Variants in CNTNAP2 observed in about 807,000 individuals in gnomAD.
The protein encoded by CNTNAP2 is contactin-associated protein-like 2.
CNTNAP2 carries 98 observed loss-of-function variants against 155.2 expected under a neutral mutation model. That is an observed-to-expected ratio of 0.63 (90% CI 0.54 to 0.75). The LOEUF (loss-of-function observed/expected upper bound fraction) is 0.75, where lower values mean the gene tolerates loss of function less well. Ranked by LOEUF, CNTNAP2 falls within the 30% of genes least tolerant of loss-of-function variation. The pLI is 0.00. For missense variants in CNTNAP2, 1,727 were observed against 1,688.1 expected, an observed-to-expected ratio of 1.02 and a Z score of -0.40; for synonymous variants, 651 against 631.2, an observed-to-expected ratio of 1.03 and a Z score of -0.47.
chr7:146,956,324 T>C (rs1466739505), intron 3 of CNTNAP2, among the ~76,000 whole-genome samples: 1 of 152,118 alleles, frequency 6.6e-6, no homozygotes, highest in Non-Finnish European at 1.5e-5. Context: ...AAGGCCCTTT[T>C]TCAAAAAAGC....
At chr7:147,570,463 G>T (rs565461602) in intron 12 of CNTNAP2, among the ~76,000 whole-genome samples, 1 of 152,204 alleles carries the variant, frequency 6.6e-6, no homozygotes, top group South Asian at 2.1e-4. Flanking sequence ...ATATTGTTCT[G>T]TAAAAACTTT....
At chr7:146,337,686 T>C (rs1801301490) in intron 1 of CNTNAP2, among the ~76,000 whole-genome samples, 1 of 152,122 alleles carries the variant, frequency 6.6e-6, no homozygotes. Flanking sequence ...CCCAGGCTGG[T>C]CTCAAACTCC....
chr7:147,190,869 C>G (rs907849282), intron 8 of CNTNAP2, among the ~76,000 whole-genome samples: 4 of 152,118 alleles, frequency 2.6e-5, no homozygotes, highest in African/African-American at 7.2e-5. Flanking sequence ...TTAACTGAAC[C>G]GATCTCAGAA....
chr7:146,593,168 A>ATATTAT (rs1442975987), intron 1 of CNTNAP2, among the ~76,000 whole-genome samples: 2 of 149,988 alleles, frequency 1.3e-5, no homozygotes, highest in South Asian at 4.2e-4. Flanking sequence ...ATTATTATTA[A>ATATTAT]TATTATTATT....
intron 13 of CNTNAP2, among the ~76,000 whole-genome samples, chr7:147,807,971 G>A: frequency 6.6e-6 from 1 of 151,366 alleles, no homozygotes; most frequent in South Asian, 2.1e-4. Context: ...TTAGTGATAT[G>A]TTCACTTTCT....
intron 16 of CNTNAP2, among the ~76,000 whole-genome samples, chr7:148,129,162 G>C (rs1804774018): frequency 6.6e-6 from 1 of 152,052 alleles, no homozygotes; most frequent in Non-Finnish European, 1.5e-5. Context: ...CAGGACACAG[G>C]CTCCCCAAGA....
chr7:148,261,658 A>T (rs1005909934), intron 20 of CNTNAP2, among the ~76,000 whole-genome samples: 2 of 152,030 alleles, frequency 1.3e-5, no homozygotes, highest in Non-Finnish European at 2.9e-5. Flanking sequence ...TGCCCTCTGG[A>T]GTGCAGGTGG....
At chr7:148,150,058 T>C (rs1805267046) in intron 17 of CNTNAP2, among the ~76,000 whole-genome samples, 1 of 144,238 alleles carries the variant, frequency 6.9e-6, no homozygotes, top group African/African-American at 2.5e-5. Flanking sequence ...GAAATATTGT[T>C]CGGCAATAGA....
chr7:147,068,852 G>A (rs764712589), intron 4 of CNTNAP2, among the ~76,000 whole-genome samples: 14 of 152,104 alleles, frequency 9.2e-5, no homozygotes, highest in East Asian at 3.8e-4. Context: ...GTATCCTCCC[G>A]TGTGTTAGTC....
At chr7:146,598,007 C>T (rs577207990) in intron 1 of CNTNAP2, among the ~76,000 whole-genome samples, 2 of 152,208 alleles carry the variant, frequency 1.3e-5, no homozygotes, top group African/African-American at 4.8e-5. Context: ...CAGGCATACG[C>T]ATGCTCCTCT....
At chr7:146,124,946 A>T (rs997726867) in intron 1 of CNTNAP2, among the ~76,000 whole-genome samples, 1 of 152,322 alleles carries the variant, frequency 6.6e-6, no homozygotes, top group East Asian at 1.9e-4. Context: ...GGTATTCAAT[A>T]TAAAACTTTA....
rs534584038 is a variant in CNTNAP2, at chr7:146,203,249, T to G, written c.97+86276T>G. Among the ~76,000 whole-genome samples, 45 of 152,286 alleles carry G rather than the reference T, an allele frequency of 3.0e-4. No homozygotes were observed. In the South Asian group the frequency reaches 9.3e-3, roughly 32 times the overall value. ...TAGCATCAGATCCCAGGGTGAGGAC[T>G]CAGTTTTCAAGAATGCCCCCTCCCA... On this transcript the variant is annotated intron_variant, in intron 1 of 23. Transcript: ENST00000361727.
At chr7:146,867,780 A>ACG (rs1330887269) in intron 3 of CNTNAP2, among the ~76,000 whole-genome samples, 1 of 16,770 alleles carries the variant, frequency 6.0e-5, no homozygotes, top group Non-Finnish European at 1.7e-4. Context: ...AGTGATAGTG[A>ACG]CTTTTTTTTT....
intron 1 of CNTNAP2, among the ~76,000 whole-genome samples, chr7:146,371,376 T>TG (rs1795233038): frequency 7.1e-6 from 1 of 140,128 alleles, no homozygotes; most frequent in African/African-American, 2.7e-5. Flanking sequence ...TTTTTTTTTT[T>TG]TTTTTTTTTT....
intron 12 of CNTNAP2, among the ~76,000 whole-genome samples, chr7:147,580,594 T>G (rs1800480460): frequency 6.7e-6 from 1 of 150,250 alleles, no homozygotes; most frequent in African/African-American, 2.5e-5. Flanking sequence ...TGCAAAATGA[T>G]GTTGATCTTG....
intron 13 of CNTNAP2, among the ~76,000 whole-genome samples, chr7:147,796,916 A>G (rs898560240): frequency 2.0e-5 from 3 of 152,126 alleles, no homozygotes; most frequent in Non-Finnish European, 4.4e-5. Context: ...CATTCTCTTT[A>G]TTACCATTAA....
At chr7:146,862,099 C>T (rs190298454) in intron 3 of CNTNAP2, among the ~76,000 whole-genome samples, 45 of 152,200 alleles carry the variant, frequency 3.0e-4, no homozygotes, top group Non-Finnish European at 5.4e-4. Flanking sequence ...TAGATGCAGG[C>T]GCGGTCGATG....
At chr7:146,132,196 A>C (rs1002220976) in intron 1 of CNTNAP2, among the ~76,000 whole-genome samples, 4 of 152,158 alleles carry the variant, frequency 2.6e-5, no homozygotes, top group Non-Finnish European at 5.9e-5. Flanking sequence ...TTTACTTAGA[A>C]CATAGGCCAA....
At chr7:147,775,401 A>C in intron 13 of CNTNAP2, among the ~76,000 whole-genome samples, 1 of 96,572 alleles carries the variant, frequency 1.0e-5, no homozygotes, top group African/African-American at 4.0e-5. Flanking sequence ...AAATATATAT[A>C]TTTATATATA....
Sources: allele counts gnomAD v4.1 joint callset (sites outside exome capture counted in the v4.1 genomes callset), GRCh38; gene constraint gnomAD v4.1.1; transcripts MANE v1.5; gene names NCBI Gene and HGNC (gene_info 2026-07-23, HGNC 2026-07-21).